The following RHBDD2 variants were observed in gnomAD, a reference collection of about 807,000 sequenced individuals.
The protein encoded by RHBDD2 is rhomboid domain-containing protein 2.
A neutral mutation model predicts 21.7 loss-of-function variants in RHBDD2; 13 were observed. That is an observed-to-expected ratio of 0.60 (90% CI 0.39 to 0.95). The LOEUF is 0.95. Among genes scored for constraint, RHBDD2 ranks in the 40% least tolerant of loss-of-function variants. The probability of loss-of-function intolerance (pLI) is 0.00; values close to 1 mark genes in which losing one functional copy is unlikely to be tolerated. For missense variants in RHBDD2, 473 were observed against 478.9 expected (o/e 0.99, Z 0.11); for synonymous variants, 225 against 220.0 (o/e 1.02, Z -0.20).
Position 75,888,412 on chromosome 7 carries a change from C to G in RHBDD2, c.*63C>G. On this transcript the variant is annotated 3_prime_UTR_variant, in exon 4 of 4. Transcript: ENST00000006777. ...AAGGTCCTCCCTAAGAGTCTCCTGA[C>G]AAAAGTTACTTATTGAACACCTCTA... is the stretch of plus-strand genomic sequence containing the variant. The G allele has an allele frequency of 7.5e-7, 1 of 1,340,550 alleles. No homozygotes were observed. The highest frequency in any genetic ancestry group is 1.2e-5 in the South Asian group (1 of 80,800). The allele number at this position is 1,340,550 out of a possible 1,614,324, so 83.0% of individuals were successfully genotyped here.
intron 1 of RHBDD2, among the ~76,000 whole-genome samples, chr7:75,879,636 T>G (rs555861040): frequency 2.6e-5 from 4 of 152,348 alleles, no homozygotes; most frequent in South Asian, 4.1e-4. Flanking sequence ...CTACGTCTGC[T>G]TTAGGCCTAA....
chr7:75,888,055 C>T lies in RHBDD2; in HGVS notation c.801C>T (p.His267=), dbSNP rs782159600. The change falls in exon 4 of 4, where the codon CAC becomes CAT. Residue 267 remains histidine (H), a synonymous_variant. Transcript: ENST00000006777. ...QSCHPHLSPS[H]PVSQTQHASG... Reference sequence around the variant, plus strand: ...GCCACCCTCACCTGTCCCCAAGCCACCCTGTGTCCCAGACGCAGCACGCCA... The same window carrying T: ...GCCACCCTCACCTGTCCCCAAGCCATCCTGTGTCCCAGACGCAGCACGCCA... The T allele has an allele frequency of 1.2e-6, 2 of 1,613,696 alleles. No homozygotes were observed. The highest frequency in any genetic ancestry group is 1.1e-5 in the South Asian group (1 of 91,080).
rs1419465002 is a variant in RHBDD2, at chr7:75,879,190, G to T, written c.108G>T (p.Leu36=). Residue 36 remains leucine (L), a synonymous_variant, in exon 1 of 4, where the codon CTG becomes CTT. Transcript: ENST00000006777. ...CGCTGCTGGTTTCCGGGCCTCGCCT[G>T]TTCCTGCTGCAGCAGCCCCTGGCGC... ...LLSLLVSGPR[L]FLLQQPLAPS... The T allele has an allele frequency of 1.3e-6, 2 of 1,518,230 alleles. No individual in the cohort carries two copies. The highest frequency in any genetic ancestry group is 1.8e-6 in the Non-Finnish European group (2 of 1,131,348). The allele number at this position is 1,518,230 out of a possible 1,614,324, so 94.0% of individuals were successfully genotyped here. A position where few individuals can be genotyped will look rare whatever the true frequency, so the allele number is the denominator to read the frequency against.
chr7:75,882,573 C>T (rs1206579839), intron 2 of RHBDD2, among the ~76,000 whole-genome samples: 1 of 152,166 alleles, frequency 6.6e-6, no homozygotes, highest in African/African-American at 2.4e-5. Flanking sequence ...GATCTACCCA[C>T]CGTGGCCTCC....
intron 3 of RHBDD2, 24 bp from the exon 4 acceptor site, chr7:75,887,968 A>G (rs1554544284): frequency 2.5e-6 from 4 of 1,591,326 alleles, no homozygotes; most frequent in Non-Finnish European, 3.4e-6. Flanking sequence ...CTGAAGGACC[A>G]TTTTCTCTCT....
chr7:75,882,985 C>T (rs782279249), intron 2 of RHBDD2, among the ~76,000 whole-genome samples: 10 of 152,206 alleles, frequency 6.6e-5, no homozygotes, highest in South Asian at 4.2e-4. Flanking sequence ...CTCACATGGT[C>T]GCACTGAGGC....
intron 1 of RHBDD2, 92 bp downstream of exon 1, chr7:75,879,352 G>C: frequency 8.2e-7 from 1 of 1,223,016 alleles, no homozygotes; most frequent in Non-Finnish European, 1.1e-6. Flanking sequence ...CGCCCCTTCA[G>C]GCCTCACCGC....
At position 75,887,997 on chromosome 7, in the gene RHBDD2, A is replaced by C. The variant is rs1554544295; in HGVS notation, c.743A>C (p.Asn248Thr). ...ERRAAQSRKL[N>T]PVPGSYPTQS... Reference sequence around the variant, plus strand: ...TCTCTCTTGTTCCATTCCAGACTGAACCCGGTGCCTGGCTCCTACCCCACA... The same window carrying C: ...TCTCTCTTGTTCCATTCCAGACTGACCCCGGTGCCTGGCTCCTACCCCACA... The change falls in exon 4 of 4, where the codon AAC becomes ACC. Residue 248 changes from asparagine (N) to threonine (T), a missense_variant. By Grantham distance (65) the Asn-to-Thr change is moderately conservative. Coordinates refer to ENST00000006777, the MANE Select transcript of RHBDD2 (RefSeq NM_001040456.3). The C allele has an allele frequency of 6.2e-7, 1 of 1,611,114 alleles. No individual in the cohort carries two copies. Among genetic ancestry groups the C allele is most frequent in the Non-Finnish European group, 8.5e-7 (1 of 1,178,506 alleles).
chr7:75,881,776 T>C (rs1554542546), intron 1 of RHBDD2, 53 bp from the exon 2 acceptor site: 2 of 1,526,058 alleles, frequency 1.3e-6, no homozygotes, highest in African/African-American at 2.8e-5. Flanking sequence ...ATAACCTGGC[T>C]TCCCTCCTGG....
chr7:75,883,958 A>ATGTG (rs1554543216), intron 3 of RHBDD2, 110 bp downstream of exon 3: 2 of 820,674 alleles, frequency 2.4e-6, no homozygotes, highest in Non-Finnish European at 3.6e-6. Flanking sequence ...GCAGTGGCAC[A>ATGTG]ATCTCGGCTC....
In RHBDD2 at chr7:75,879,117, G is replaced by A. The variant is rs1554541942; in HGVS notation, c.35G>A (p.Cys12Tyr). Residue 12 changes from cysteine (C) to tyrosine (Y), a missense_variant, in exon 1 of 4, where the codon TGC becomes TAC. Physicochemically the swap from Cys to Tyr is radical, Grantham distance 194. Coordinates refer to ENST00000006777, the MANE Select transcript of RHBDD2 (RefSeq NM_001040456.3). ...AASGPGCRSW[C>Y]LCPEVPSATF... ...TCGGGGCCCGGGTGTCGCAGCTGGTGCTTGTGTCCCGAGGTGCCATCCGCC... is the reference window on the plus strand; with the variant it reads ...TCGGGGCCCGGGTGTCGCAGCTGGTACTTGTGTCCCGAGGTGCCATCCGCC... 3 of 1,399,754 alleles carry A rather than the reference G, an allele frequency of 2.1e-6. No individual in the cohort carries two copies. In the Admixed American group the frequency reaches 9.6e-5, roughly 45 times the overall value. 86.7% of individuals were successfully genotyped at this position (1,399,754 alleles called of 1,614,324 possible).
chr7:75,888,379 G>A lies in RHBDD2; in HGVS notation c.*30G>A. The A allele has an allele frequency of 6.4e-7, 1 of 1,560,656 alleles. No homozygotes were observed. The highest frequency in any genetic ancestry group is 1.1e-5 in the South Asian group (1 of 89,708). ...ATTTCTAGGGAAGTCATCTCACTTG[G>A]CCTTCTGAAGGTCCTCCCTAAGAGT... On this transcript the variant is annotated 3_prime_UTR_variant, in exon 4 of 4. Coordinates refer to ENST00000006777, the MANE Select transcript of RHBDD2 (RefSeq NM_001040456.3).
intron 3 of RHBDD2, among the ~76,000 whole-genome samples, chr7:75,886,007 T>C (rs569296856): frequency 6.6e-6 from 1 of 152,156 alleles, no homozygotes; most frequent in Non-Finnish European, 1.5e-5. Flanking sequence ...CTTGGAATTA[T>C]AGGCGCGTGC....
intron 3 of RHBDD2, among the ~76,000 whole-genome samples, chr7:75,885,325 C>T (rs1805595636): frequency 6.6e-6 from 1 of 152,082 alleles, no homozygotes; most frequent in Admixed American, 6.6e-5. Flanking sequence ...GGGTCTTTCT[C>T]ACCCACTCTG....
At chr7:75,885,416 G>C (rs930328953) in intron 3 of RHBDD2, among the ~76,000 whole-genome samples, 5 of 152,068 alleles carry the variant, frequency 3.3e-5, no homozygotes, top group African/African-American at 1.2e-4. Context: ...CCTCTCCCCT[G>C]TTCCCAGTGC....
chr7:75,881,124 G>A (rs150927966), intron 1 of RHBDD2, among the ~76,000 whole-genome samples: 313 of 152,224 alleles, frequency 2.1e-3, no homozygotes, highest in Admixed American at 3.6e-3. Flanking sequence ...CTGGAGGCCA[G>A]GAGTTCAAGG....
chr7:75,879,899 C>A (rs1391774798), intron 1 of RHBDD2, among the ~76,000 whole-genome samples: 5 of 152,174 alleles, frequency 3.3e-5, no homozygotes, highest in Non-Finnish European at 7.3e-5. Context: ...AACATCCATT[C>A]CTGAAAGACA....
intron 1 of RHBDD2, 151 bp from the exon 2 acceptor site, chr7:75,881,678 C>T (rs782788012): frequency 1.5e-5 from 14 of 910,834 alleles, no homozygotes; most frequent in South Asian, 3.4e-5. Flanking sequence ...CATTGTTGAA[C>T]GCACTGCTTG....
rs148080466 is a variant in RHBDD2, at chr7:75,883,093, G to A, written c.587-605G>A. Among the ~76,000 whole-genome samples, 603 of 152,316 alleles carry A rather than the reference G, an allele frequency of 4.0e-3. 6 individuals carry two copies. The highest frequency in any genetic ancestry group is 0.012 in the African/African-American group (503 of 41,572). On this transcript the variant is annotated intron_variant, in intron 2 of 3. Transcript: ENST00000006777. ...TATCCTGCTACACCAGCAGAGGCAT[G>A]TCCTGGCTTCTGACTGACTGCAGTG... is the stretch of plus-strand genomic sequence containing the variant.
Sources: allele counts gnomAD v4.1 joint callset (sites outside exome capture counted in the v4.1 genomes callset), GRCh38; gene constraint gnomAD v4.1.1; transcripts MANE v1.5; gene names NCBI Gene and HGNC (gene_info 2026-07-23, HGNC 2026-07-21).